Variants in LRRC37A2 observed in about 807,000 individuals in gnomAD.
LRRC37A2 encodes the protein leucine-rich repeat-containing protein 37A2.
Under a neutral mutation model 68.8 loss-of-function variants are expected in LRRC37A2, and 9 were observed. That is an observed-to-expected ratio of 0.13 (90% CI 0.08 to 0.23). The LOEUF (loss-of-function observed/expected upper bound fraction) is 0.23, where lower values mean the gene tolerates loss of function less well. Among genes scored for constraint, LRRC37A2 ranks in the 10% least tolerant of loss-of-function variants. LRRC37A2 has a pLI of 1.00. For missense variants in LRRC37A2, 168 were observed against 950.4 expected (o/e 0.18, Z 10.82); for synonymous variants, 63 against 367.6 (o/e 0.17, Z 9.48).
chr17:46,963,848 G>A, the LRRC37A2 span: 1 of 152,064 alleles, frequency 6.6e-6, no homozygotes, highest in Non-Finnish European at 1.5e-5. Context: ...ATAGCATCTT[G>A]CTCTGTTGCC....
chr17:46,622,315 A>G, the LRRC37A2 span, among the ~76,000 whole-genome samples: 15,495 of 136,614 alleles, frequency 0.11, 1,239 homozygotes, highest in Non-Finnish European at 0.17. Flanking sequence ...AAAATTAGCC[A>G]GGCGTGGTGG....
At chr17:46,772,100 G>A in the LRRC37A2 span, among the ~76,000 whole-genome samples, 1 of 152,126 alleles carries the variant, frequency 6.6e-6, no homozygotes, top group Admixed American at 6.5e-5. Flanking sequence ...CTCGCCGGGG[G>A]CGGGGTGCAA....
the LRRC37A2 span, chr17:46,726,467 G>A: frequency 5.8e-4 from 727 of 1,245,148 alleles, 5 homozygotes; most frequent in African/African-American, 9.5e-3. Flanking sequence ...GTTTAGTATT[G>A]CTCAAGAAGT....
At chr17:46,891,095 C>G in the LRRC37A2 span, among the ~76,000 whole-genome samples, 2 of 152,136 alleles carry the variant, frequency 1.3e-5, no homozygotes, top group African/African-American at 4.8e-5. Context: ...GAGGGCGACC[C>G]CTGGCAGCCT....
the LRRC37A2 span, among the ~76,000 whole-genome samples, chr17:46,760,037 G>A: frequency 6.6e-6 from 1 of 152,316 alleles, no homozygotes. Flanking sequence ...GGAGGCTGAA[G>A]TGGGAGGACC....
At chr17:46,779,104 C>CACACACACACACACACA in the LRRC37A2 span, among the ~76,000 whole-genome samples, 61 of 130,780 alleles carry the variant, frequency 4.7e-4, no homozygotes, top group East Asian at 7.3e-4. Flanking sequence ...CACACACACA[C>CACACACACACACACACA]CCCAGCCCAC....
chr17:46,734,463 A>G, the LRRC37A2 span, among the ~76,000 whole-genome samples: 9 of 152,110 alleles, frequency 5.9e-5, no homozygotes, highest in Middle Eastern at 3.5e-3. Flanking sequence ...GATACCTACT[A>G]TATTTATAAT....
chr17:46,939,611 G>C, the LRRC37A2 span: 1 of 985,464 alleles, frequency 1.0e-6, no homozygotes, highest in African/African-American at 1.7e-5. Context: ...CTCAGCTCTA[G>C]TTTTAGTATC....
downstream of LRRC37A2, chr17:46,560,574 T>C (rs1598605944): frequency 1.7e-5 from 1 of 60,550 alleles, no homozygotes; most frequent in East Asian, 2.6e-4. Context: ...GGACAATTTT[T>C]TTTTTTTTTT....
the LRRC37A2 span, among the ~76,000 whole-genome samples, chr17:46,405,906 A>G: frequency 2.7e-5 from 4 of 147,186 alleles, no homozygotes; most frequent in African/African-American, 7.5e-5. Context: ...GTTGCTATTG[A>G]CCAAAAAGGC....
the LRRC37A2 span, among the ~76,000 whole-genome samples, chr17:46,726,910 G>T: frequency 1.3e-5 from 2 of 152,036 alleles, no homozygotes; most frequent in Admixed American, 1.3e-4. Context: ...AATTTTCATT[G>T]ATGAGTATAT....
chr17:46,790,402 A>G, the LRRC37A2 span, among the ~76,000 whole-genome samples: 3 of 152,038 alleles, frequency 2.0e-5, no homozygotes, highest in African/African-American at 7.2e-5. Context: ...CCCCCTGCAG[A>G]GAAAGGGATT....
the LRRC37A2 span, chr17:46,876,450 G>A: frequency 6.2e-7 from 1 of 1,613,680 alleles, no homozygotes; most frequent in South Asian, 1.1e-5. Context: ...AGGCAGGGCA[G>A]CCTCACCAAA....
At chr17:46,713,830 G>C in the LRRC37A2 span, 2 of 1,602,256 alleles carry the variant, frequency 1.2e-6, no homozygotes, top group Non-Finnish European at 1.7e-6. Flanking sequence ...TTTTTCCCCT[G>C]ACTTGCTCAT....
chr17:46,966,555 C>T, the LRRC37A2 span: 2 of 696,000 alleles, frequency 2.9e-6, no homozygotes, highest in Non-Finnish European at 5.2e-6. Context: ...CACCATGTTG[C>T]CCAGAATGGA....
the LRRC37A2 span, chr17:47,018,627 T>A: frequency 6.6e-7 from 1 of 1,519,804 alleles, no homozygotes; most frequent in Non-Finnish European, 9.1e-7. Context: ...ACAGGAGACT[T>A]CATTTCAGTC....
the LRRC37A2 span, chr17:46,756,756 G>T: frequency 6.6e-6 from 1 of 152,524 alleles, no homozygotes; most frequent in Non-Finnish European, 1.5e-5. Context: ...TAAATGATCT[G>T]TACTATCTAG....
the LRRC37A2 span, among the ~76,000 whole-genome samples, chr17:46,707,527 A>G: frequency 6.6e-6 from 1 of 152,120 alleles, no homozygotes; most frequent in African/African-American, 2.4e-5. Flanking sequence ...TACCCATTAA[A>G]TAATAACTCT....
chr17:46,840,017 TTCTTTC>T, the LRRC37A2 span, among the ~76,000 whole-genome samples: 24 of 99,620 alleles, frequency 2.4e-4, no homozygotes, highest in Non-Finnish European at 4.4e-4. Context: ...CTTTCTTTCT[TTCTTTC>T]TTTCTTTCTT....
Sources: gnomAD v4.1 joint callset for allele counts (sites outside exome capture counted in the v4.1 genomes callset) on GRCh38, gnomAD v4.1.1 for gene constraint, MANE v1.5 for transcripts, NCBI Gene and HGNC (gene_info 2026-07-23, HGNC 2026-07-21) for gene names.